NRXN1: variants seen among roughly 807,000 people sequenced by gnomAD.
NRXN1 encodes neurexin 1.
NRXN1 carries 39 observed loss-of-function variants against 150.9 expected under a neutral mutation model. That is an observed-to-expected ratio of 0.26 (90% CI 0.20 to 0.34). NRXN1 has a LOEUF of 0.34. Ranked by LOEUF, NRXN1 falls within the 10% of genes least tolerant of loss-of-function variation. The pLI, the probability that NRXN1 is intolerant of heterozygous loss-of-function variation, is 1.00. For missense variants in NRXN1, 1,815 were observed against 1,949.9 expected, an observed-to-expected ratio of 0.93 and a Z score of 1.30; for synonymous variants, 924 against 757.0, an observed-to-expected ratio of 1.22 and a Z score of -3.62.
At chr2:50,574,071 C>A (rs573124664) in intron 8 of NRXN1, among the ~76,000 whole-genome samples, 1 of 152,188 alleles carries the variant, frequency 6.6e-6, no homozygotes, top group East Asian at 1.9e-4. Context: ...TTTCCCAGGA[C>A]TGGGTTTTAA....
intron 18 of NRXN1, among the ~76,000 whole-genome samples, chr2:50,235,771 T>C (rs2065356526): frequency 6.6e-6 from 1 of 151,952 alleles, no homozygotes; most frequent in South Asian, 2.1e-4. Context: ...CCATGGTCGC[T>C]TAATGCATGG....
At chr2:49,996,295 G>A (rs1485438063) in intron 21 of NRXN1, among the ~76,000 whole-genome samples, 2 of 152,122 alleles carry the variant, frequency 1.3e-5, no homozygotes, top group African/African-American at 4.8e-5. Flanking sequence ...ATGTAGAGAA[G>A]GTAGAAGAAC....
chr2:50,172,655 C>A (rs60244997), intron 18 of NRXN1, among the ~76,000 whole-genome samples: 3,858 of 152,218 alleles, frequency 0.025, 169 homozygotes, highest in African/African-American at 0.089. Context: ...CATTTTTTAG[C>A]CTTTGATTCT....
chr2:50,033,334 C>T (rs1042356519), intron 21 of NRXN1, among the ~76,000 whole-genome samples: 5 of 152,008 alleles, frequency 3.3e-5, no homozygotes, highest in African/African-American at 7.2e-5. Context: ...ACACCTACAA[C>T]CATCTGATCT....
intron 21 of NRXN1, among the ~76,000 whole-genome samples, chr2:50,040,869 C>G (rs183149567): frequency 1.3e-5 from 2 of 151,692 alleles, no homozygotes; most frequent in Non-Finnish European, 2.9e-5. Context: ...TTTCCTTTTG[C>G]TTTTTTTAAA....
intron 8 of NRXN1, among the ~76,000 whole-genome samples, chr2:50,570,656 T>A (rs1000435556): frequency 1.3e-5 from 2 of 152,122 alleles, no homozygotes; most frequent in African/African-American, 4.8e-5. Flanking sequence ...GAATTAGATA[T>A]GAATGTGTAT....
At chr2:50,426,486 C>T (rs796553879) in intron 17 of NRXN1, among the ~76,000 whole-genome samples, 2 of 152,180 alleles carry the variant, frequency 1.3e-5, no homozygotes, top group Non-Finnish European at 2.9e-5. Flanking sequence ...ACAAATTCTA[C>T]AGCAACACAG....
intron 19 of NRXN1, among the ~76,000 whole-genome samples, chr2:50,063,094 G>T (rs918382533): frequency 1.3e-5 from 2 of 152,070 alleles, no homozygotes. Context: ...GGCCCAGAAG[G>T]CAAAGTAATA....
chr2:50,456,992 T>C (rs1365928099), intron 17 of NRXN1, among the ~76,000 whole-genome samples: 1 of 152,190 alleles, frequency 6.6e-6, no homozygotes, highest in East Asian at 1.9e-4. Flanking sequence ...GTGAATCTGA[T>C]TCACATAAAA....
chr2:50,903,021 C>A (rs1381739501), intron 5 of NRXN1, among the ~76,000 whole-genome samples: 1 of 152,046 alleles, frequency 6.6e-6, no homozygotes, highest in African/African-American at 2.4e-5. Context: ...GATGAAGCTG[C>A]TGAGAAAAGT....
chr2:50,227,986 A>G (rs567804972), intron 18 of NRXN1, among the ~76,000 whole-genome samples: 1 of 152,166 alleles, frequency 6.6e-6, no homozygotes, highest in African/African-American at 2.4e-5. Context: ...ACAACTGTAG[A>G]TATAACAAAA....
At chr2:50,650,368 G>C (rs145276700) in intron 5 of NRXN1, among the ~76,000 whole-genome samples, 2 of 152,176 alleles carry the variant, frequency 1.3e-5, no homozygotes, top group African/African-American at 4.8e-5. Context: ...AGTCAACACA[G>C]TTCTGGAAGG....
At chr2:49,985,089 T>C (rs1376266373) in intron 21 of NRXN1, among the ~76,000 whole-genome samples, 2 of 152,328 alleles carry the variant, frequency 1.3e-5, no homozygotes, top group East Asian at 1.9e-4. Flanking sequence ...TTAGTTCAAC[T>C]TCTCTAAGTC....
chr2:50,199,915 T>C (rs1421489239), intron 18 of NRXN1, among the ~76,000 whole-genome samples: 1 of 152,126 alleles, frequency 6.6e-6, no homozygotes, highest in East Asian at 1.9e-4. Context: ...TATAGAACAC[T>C]ACAATTTTAT....
intron 17 of NRXN1, among the ~76,000 whole-genome samples, chr2:50,399,041 A>G (rs1441907732): frequency 6.6e-6 from 1 of 152,194 alleles, no homozygotes; most frequent in Non-Finnish European, 1.5e-5. Context: ...ATTGGAGGTC[A>G]TAATGGATTT....
chr2:50,009,801 C>T (rs1358270176), intron 21 of NRXN1, among the ~76,000 whole-genome samples: 2 of 152,086 alleles, frequency 1.3e-5, no homozygotes, highest in African/African-American at 2.4e-5. Flanking sequence ...AAGATCATTG[C>T]AGTGCTTTCT....
intron 5 of NRXN1, among the ~76,000 whole-genome samples, chr2:50,794,371 T>G (rs1443350036): frequency 1.3e-5 from 2 of 152,144 alleles, no homozygotes; most frequent in African/African-American, 4.8e-5. Context: ...TAGATGTCCC[T>G]ATCATACTGC....
chr2:50,577,935 T>C (rs894741786), intron 8 of NRXN1, among the ~76,000 whole-genome samples: 1 of 152,170 alleles, frequency 6.6e-6, no homozygotes, highest in Non-Finnish European at 1.5e-5. Context: ...TGTGCATAGA[T>C]AGATACTATA....
At chr2:50,818,374 G>T (rs1240989626) in intron 5 of NRXN1, among the ~76,000 whole-genome samples, 1 of 151,658 alleles carries the variant, frequency 6.6e-6, no homozygotes, top group Non-Finnish European at 1.5e-5. Context: ...CAGTATATAG[G>T]TCTTTCAACT....
Sources: gnomAD v4.1 joint callset for allele counts (sites outside exome capture counted in the v4.1 genomes callset) on GRCh38, gnomAD v4.1.1 for gene constraint, MANE v1.5 for transcripts, NCBI Gene and HGNC (gene_info 2026-07-23, HGNC 2026-07-21) for gene names.